PCDHGA6: variants seen among roughly 807,000 people sequenced by gnomAD.
PCDHGA6 encodes the protein protocadherin gamma subfamily A, 6.
A neutral mutation model predicts 60.6 loss-of-function variants in PCDHGA6; 41 were observed. The observed-to-expected ratio is 0.68, with a 90% CI of 0.53 to 0.88. The LOEUF (loss-of-function observed/expected upper bound fraction) is 0.88, where lower values mean the gene tolerates loss of function less well. Ranked by LOEUF, PCDHGA6 falls within the 40% of genes least tolerant of loss-of-function variation. The pLI is 0.00. For synonymous variants in PCDHGA6, 594 were observed against 524.4 expected (o/e 1.13, Z -1.81); for missense variants, 1,312 against 1,203.0 (o/e 1.09, Z -1.34).
At chr5:141,402,487 A>G (rs1239262921) in intron 1 of PCDHGA6, among the ~76,000 whole-genome samples, 1 of 152,226 alleles carries the variant, frequency 6.6e-6, no homozygotes, top group Non-Finnish European at 1.5e-5. Flanking sequence ...AAGTTCTACC[A>G]AGAATAAGAA....
At chr5:141,387,558 C>G (rs1456100013) in intron 1 of PCDHGA6, 1 of 417,976 alleles carries the variant, frequency 2.4e-6, no homozygotes, top group Non-Finnish European at 4.2e-6. Context: ...TTCAGTTAGG[C>G]ACACAATTAT....
chr5:141,409,286 C>T (rs1304936825), intron 1 of PCDHGA6: 1 of 1,613,826 alleles, frequency 6.2e-7, no homozygotes, highest in African/African-American at 1.3e-5. Context: ...GAATTCACCT[C>T]CAGGAATGGT....
In PCDHGA6 at chr5:141,399,498, A is replaced by G. The variant is rs539360572; in HGVS notation, c.2424+22991A>G. The G allele has an allele frequency of 1.4e-5, 22 of 1,614,002 alleles. No individual in the cohort carries two copies. The African/African-American group carries it at 2.5e-4, about 19-fold the overall frequency. On this transcript the variant is annotated intron_variant, in intron 1 of 3. Coordinates refer to ENST00000517434, the MANE Select transcript of PCDHGA6 (RefSeq NM_018919.3). Reference sequence around the variant, plus strand: ...ACCAGGCGTCCTACTTAGTCAGTGTACCCGAAAACAACCCTCCTGGGGCCT... The same window carrying G: ...ACCAGGCGTCCTACTTAGTCAGTGTGCCCGAAAACAACCCTCCTGGGGCCT...
chr5:141,387,998 C>A, intron 1 of PCDHGA6: 1 of 1,485,206 alleles, frequency 6.7e-7, no homozygotes, highest in South Asian at 1.3e-5. Flanking sequence ...ACAGGATTCC[C>A]GAGGAAATGC....
intron 1 of PCDHGA6, chr5:141,423,372 C>G: frequency 6.2e-7 from 1 of 1,614,178 alleles, no homozygotes; most frequent in Non-Finnish European, 8.5e-7. Context: ...TGCTGGCACT[C>G]AGGCTGTGGC....
intron 1 of PCDHGA6, among the ~76,000 whole-genome samples, chr5:141,492,148 G>C (rs2099737507): frequency 6.6e-6 from 1 of 152,202 alleles, no homozygotes; most frequent in Admixed American, 6.5e-5. Flanking sequence ...TGACTTCACT[G>C]TTACCCTCCC....
Position 141,498,864 on chromosome 5 carries a change from C to T in PCDHGA6, c.2483+3999C>T, listed in dbSNP as rs1370263013. Among the ~76,000 whole-genome samples the T allele has an allele frequency of 2.7e-5, 4 of 149,532 alleles. No homozygotes were observed. The East Asian group carries it at 5.9e-4, about 22-fold the overall frequency. ...AGGGGAATCGCTTGAACCCAGGAGG[C>T]GGAGGTTGCAGTGAGCTGAGATCAC... On this transcript the variant is annotated intron_variant, in intron 2 of 3. Coordinates refer to ENST00000517434, the MANE Select transcript of PCDHGA6 (RefSeq NM_018919.3).
chr5:141,404,798 C>T (rs1422774939), intron 1 of PCDHGA6: 2 of 1,613,842 alleles, frequency 1.2e-6, no homozygotes, highest in Admixed American at 1.7e-5. Context: ...TGAGCCAGGG[C>T]TCTTCTCGGT....
At chr5:141,382,942 C>A (rs763091165) in intron 1 of PCDHGA6, 5 of 1,595,522 alleles carry the variant, frequency 3.1e-6, no homozygotes, top group Non-Finnish European at 4.3e-6. Flanking sequence ...AGGATTCTTC[C>A]TGCTCTCCAT....
intron 1 of PCDHGA6, among the ~76,000 whole-genome samples, chr5:141,438,615 TATATATATATATATATATATACACACAC>T (rs2098021754): frequency 1.1e-4 from 4 of 35,920 alleles, no homozygotes; most frequent in Non-Finnish European, 1.8e-4. Flanking sequence ...TATATATATA[TATATATATATATATATATATACACACAC>T]ACACACACAT....
At chr5:141,421,770 G>T in intron 1 of PCDHGA6, 6 of 1,613,856 alleles carry the variant, frequency 3.7e-6, no homozygotes, top group East Asian at 2.2e-5. Context: ...ACTTTTCCTT[G>T]CAACTGCGGG....
At chr5:141,447,636 T>C (rs772671166) in intron 1 of PCDHGA6, among the ~76,000 whole-genome samples, 49 of 152,136 alleles carry the variant, frequency 3.2e-4, no homozygotes, top group Non-Finnish European at 5.3e-4. Context: ...ACAGTATGAA[T>C]GATGGTAGAA....
chr5:141,449,066 A>G (rs1234801725), intron 1 of PCDHGA6, among the ~76,000 whole-genome samples: 3 of 152,188 alleles, frequency 2.0e-5, no homozygotes, highest in African/African-American at 4.8e-5. Context: ...GCGCTATTGA[A>G]TAGCCCTGTA....
chr5:141,398,789 C>G (rs1400897772), intron 1 of PCDHGA6: 5 of 1,613,778 alleles, frequency 3.1e-6, no homozygotes, highest in Non-Finnish European at 4.2e-6. Context: ...GGACATCCAC[C>G]CCTAAGCGGC....
At chr5:141,430,811 A>T in intron 1 of PCDHGA6, 1 of 1,527,400 alleles carries the variant, frequency 6.5e-7, no homozygotes, top group Non-Finnish European at 8.8e-7. Context: ...CCTGCTGGGA[A>T]TCCTCCTGGG....
intron 1 of PCDHGA6, chr5:141,404,452 T>G (rs1197188094): frequency 2.5e-6 from 4 of 1,613,228 alleles, no homozygotes; most frequent in Non-Finnish European, 3.4e-6. Context: ...AAGGGTCTCC[T>G]CTCTCCACCT....
chr5:141,380,249 A>G (rs758616884), intron 1 of PCDHGA6, among the ~76,000 whole-genome samples: 1 of 152,198 alleles, frequency 6.6e-6, no homozygotes, highest in African/African-American at 2.4e-5. Flanking sequence ...GCAATTGTCA[A>G]AGGGGAAGGA....
chr5:141,502,784 G>C (rs185608958), intron 2 of PCDHGA6, among the ~76,000 whole-genome samples: 1 of 151,804 alleles, frequency 6.6e-6, no homozygotes, highest in Non-Finnish European at 1.5e-5. Flanking sequence ...AAATTACCTG[G>C]ATGATTTCTT....
At chr5:141,389,600 C>T (rs748837518) in intron 1 of PCDHGA6, 28 of 1,613,080 alleles carry the variant, frequency 1.7e-5, no homozygotes, top group Non-Finnish European at 2.3e-5. Flanking sequence ...GCTCTGCGCT[C>T]TTCGATATGG....
Sources: allele counts gnomAD v4.1 joint callset (sites outside exome capture counted in the v4.1 genomes callset), GRCh38; gene constraint gnomAD v4.1.1; transcripts MANE v1.5; gene names NCBI Gene and HGNC (gene_info 2026-07-23, HGNC 2026-07-21).